Variants in GALNT13 observed in about 807,000 individuals in gnomAD.
GALNT13 encodes the protein UDP-GalNAc:polypeptide N-acetylgalactosaminyltransferase 13.
In GALNT13, 28 loss-of-function variants were observed where a neutral mutation model predicts 64.2. That is an observed-to-expected ratio of 0.44 (90% CI 0.32 to 0.60). GALNT13 has a LOEUF of 0.60. Ranked by LOEUF, GALNT13 falls within the 20% of genes least tolerant of loss-of-function variation. GALNT13 has a pLI of 0.05. For missense variants in GALNT13, 577 were observed against 669.8 expected (o/e 0.86, Z 1.53); for synonymous variants, 214 against 224.6 (o/e 0.95, Z 0.42).
intron 4 of GALNT13, among the ~76,000 whole-genome samples, chr2:154,161,515 A>G (rs970344245): frequency 6.6e-6 from 1 of 152,164 alleles, no homozygotes; most frequent in Non-Finnish European, 1.5e-5. Flanking sequence ...GTGGACTTCA[A>G]ATAAAGAAAC....
At chr2:153,326,469 C>G in the GALNT13 span, among the ~76,000 whole-genome samples, 1 of 152,096 alleles carries the variant, frequency 6.6e-6, no homozygotes, top group Non-Finnish European at 1.5e-5. Flanking sequence ...TTAATTGGAG[C>G]ATTTAGCCCA....
At chr2:154,048,957 C>T (rs1223510644) in intron 3 of GALNT13, among the ~76,000 whole-genome samples, 2 of 150,248 alleles carry the variant, frequency 1.3e-5, no homozygotes, top group Non-Finnish European at 3.0e-5. Context: ...ACATCACAGT[C>T]AAGTACATGT....
At chr2:153,568,314 C>G in the GALNT13 span, among the ~76,000 whole-genome samples, 2 of 152,120 alleles carry the variant, frequency 1.3e-5, no homozygotes, top group Non-Finnish European at 2.9e-5. Flanking sequence ...ACCTGCTGGA[C>G]TCACGTGATT....
chr2:154,168,440 TA>T, intron 4 of GALNT13, among the ~76,000 whole-genome samples: 1 of 152,108 alleles, frequency 6.6e-6, no homozygotes, highest in Admixed American at 6.5e-5. Flanking sequence ...TAATTTCATC[TA>T]AAAAATACCA....
chr2:154,189,440 C>T, intron 4 of GALNT13, among the ~76,000 whole-genome samples: 1 of 130,942 alleles, frequency 7.6e-6, no homozygotes, highest in Non-Finnish European at 1.5e-5. Flanking sequence ...CACCACAGTG[C>T]TTGTTCACTT....
chr2:153,684,069 A>AT, the GALNT13 span, among the ~76,000 whole-genome samples: 3 of 148,456 alleles, frequency 2.0e-5, 1 homozygote, highest in African/African-American at 7.4e-5. Flanking sequence ...TCTTCATAAT[A>AT]ATATATATAT....
chr2:153,258,616 C>T, the GALNT13 span, among the ~76,000 whole-genome samples: 1 of 152,124 alleles, frequency 6.6e-6, no homozygotes. Flanking sequence ...CCTCTTGGAA[C>T]TGCTTTCAGT....
chr2:154,271,639 C>G (rs924042635), intron 8 of GALNT13, among the ~76,000 whole-genome samples: 4 of 151,864 alleles, frequency 2.6e-5, no homozygotes, highest in African/African-American at 9.7e-5. Context: ...GAGTGTTTCT[C>G]TGGAGAATTG....
rs570478013 is a variant in GALNT13 at position 154,249,104 on chromosome 2, A to G, written c.857+3122A>G. On this transcript the variant is annotated intron_variant, in intron 7 of 12. Transcript: ENST00000392825. ...TACCTGATAATGCAAATAATACTCTAGATCATTTAATTAATTTGGGGATGA... is the reference window on the plus strand; with the variant it reads ...TACCTGATAATGCAAATAATACTCTGGATCATTTAATTAATTTGGGGATGA... Among the ~76,000 whole-genome samples, 9 of 152,286 alleles carry G rather than the reference A, an allele frequency of 5.9e-5. No homozygotes were observed. In the East Asian group the frequency reaches 1.7e-3, roughly 29 times the overall value.
chr2:153,877,505 T>G (rs895854817), intron 1 of GALNT13, among the ~76,000 whole-genome samples: 1 of 152,176 alleles, frequency 6.6e-6, no homozygotes, highest in Non-Finnish European at 1.5e-5. Flanking sequence ...AAATGTCAAC[T>G]TAGTCTCTTG....
the GALNT13 span, among the ~76,000 whole-genome samples, chr2:153,626,828 TGGC>T: frequency 6.6e-6 from 1 of 152,102 alleles, no homozygotes; most frequent in Non-Finnish European, 1.5e-5. Context: ...AAATATTTCC[TGGC>T]TGGCATTGTA....
the GALNT13 span, among the ~76,000 whole-genome samples, chr2:153,235,236 T>A: frequency 6.6e-6 from 1 of 152,146 alleles, no homozygotes; most frequent in African/African-American, 2.4e-5. Flanking sequence ...GTCCTCTAAG[T>A]ATACTCAGTG....
chr2:153,571,245 T>G, the GALNT13 span, among the ~76,000 whole-genome samples: 1 of 152,006 alleles, frequency 6.6e-6, no homozygotes, highest in Non-Finnish European at 1.5e-5. Context: ...TTTTTAAATT[T>G]CTTTTTCAGA....
chr2:153,817,746 A>G, the GALNT13 span, among the ~76,000 whole-genome samples: 1 of 152,198 alleles, frequency 6.6e-6, no homozygotes, highest in Non-Finnish European at 1.5e-5. Context: ...TTTCTTTAAC[A>G]CCACATAAAA....
chr2:153,223,725 G>T, the GALNT13 span, among the ~76,000 whole-genome samples: 11 of 152,128 alleles, frequency 7.2e-5, no homozygotes, highest in African/African-American at 2.7e-4. Context: ...TTGGGAGGCT[G>T]AAGCTGGGGG....
Position 154,411,317 on chromosome 2 carries a change from T to TACACACACAC in GALNT13, c.1395+2269_1395+2278dup, listed in dbSNP as rs59114913. Among the ~76,000 whole-genome samples the TACACACACAC allele has an allele frequency of 4.1e-3, 601 of 147,846 alleles. 6 individuals are homozygous for TACACACACAC. Among genetic ancestry groups the TACACACACAC allele is most frequent in the South Asian group, 9.8e-3 (45 of 4,610 alleles). On this transcript the variant is annotated intron_variant, in intron 11 of 12. Coordinates refer to ENST00000392825, the MANE Select transcript of GALNT13 (RefSeq NM_052917.4). ...TTCCATCTACATACTTAATTGCACA[T>TACACACACAC]ACACACACACACACACACACACACA...
chr2:154,294,087 T>G (rs985650873), intron 8 of GALNT13, among the ~76,000 whole-genome samples: 1 of 152,248 alleles, frequency 6.6e-6, no homozygotes, highest in African/African-American at 2.4e-5. Flanking sequence ...CTACACATTC[T>G]GTGAGCACAG....
At chr2:153,671,437 G>T in the GALNT13 span, among the ~76,000 whole-genome samples, 90 of 152,186 alleles carry the variant, frequency 5.9e-4, no homozygotes, top group African/African-American at 2.1e-3. Flanking sequence ...CAGAATTTCA[G>T]ATCCAGCCAA....
chr2:153,758,695 C>T, the GALNT13 span, among the ~76,000 whole-genome samples: 1 of 152,096 alleles, frequency 6.6e-6, no homozygotes, highest in Admixed American at 6.6e-5. Context: ...CAGGTTCAAG[C>T]AATTCTGGTG....
Sources: allele counts gnomAD v4.1 joint callset (sites outside exome capture counted in the v4.1 genomes callset), GRCh38; gene constraint gnomAD v4.1.1; transcripts MANE v1.5; gene names NCBI Gene and HGNC (gene_info 2026-07-23, HGNC 2026-07-21).